RARB: variants seen among roughly 807,000 people sequenced by gnomAD.
RARB encodes HBV-activated protein.
RARB carries 17 observed loss-of-function variants against 51.9 expected under a neutral mutation model. The ratio of observed to expected loss-of-function variants is 0.33; its 90% CI spans 0.22 to 0.49. RARB has a LOEUF of 0.49. RARB is among the 20% of genes least tolerant of loss of function. RARB has a pLI of 0.99. For synonymous variants in RARB, 215 were observed against 195.4 expected (o/e 1.10, Z -0.84); for missense variants, 369 against 550.8 (o/e 0.67, Z 3.30).
intron 3 of RARB, among the ~76,000 whole-genome samples, chr3:25,093,432 C>T (rs1179288272): frequency 2.0e-5 from 3 of 152,088 alleles, no homozygotes; most frequent in South Asian, 2.1e-4. Flanking sequence ...CTTAATTATT[C>T]CTAGGCTTGG....
At chr3:25,165,088 T>G (rs968982890) in intron 4 of RARB, among the ~76,000 whole-genome samples, 1 of 151,432 alleles carries the variant, frequency 6.6e-6, no homozygotes, top group Non-Finnish European at 1.5e-5. Context: ...AATTTGGGAG[T>G]TTTTTTTAAG....
chr3:24,970,125 G>A (rs1043468391), intron 2 of RARB, among the ~76,000 whole-genome samples: 4 of 152,076 alleles, frequency 2.6e-5, no homozygotes, highest in African/African-American at 9.7e-5. Context: ...ACAGACAACA[G>A]ATAACTGAAT....
At chr3:24,936,936 A>G (rs1695559258) in intron 2 of RARB, among the ~76,000 whole-genome samples, 1 of 152,208 alleles carries the variant, frequency 6.6e-6, no homozygotes, top group South Asian at 2.1e-4. Flanking sequence ...CCAAAGGAAA[A>G]GGCCATTCCT....
rs71061205 is a variant in RARB at position 25,232,973 on chromosome 3, C to CTTTTTTTTT, written c.178+58410_178+58418dup. 4.0e-4 allele frequency among the ~76,000 whole-genome samples: 47 copies of CTTTTTTTTT among 118,766 alleles called. 3 individuals are homozygous for CTTTTTTTTT. The highest frequency in any genetic ancestry group is 9.5e-4 in the East Asian group (4 of 4,222). The allele number at this position is 118,766 out of a possible 152,430, so 77.9% of individuals were successfully genotyped here. On this transcript the variant is annotated intron_variant, in intron 5 of 11. Transcript: ENST00000383772. ...TGTATTAAATGCCTTTTTTCTTTTT[C>CTTTTTTTTT]TTTTTTTTTTTTTTTTTTTTGAGAC...
intron 3 of RARB, among the ~76,000 whole-genome samples, chr3:25,532,184 A>G (rs1451713640): frequency 6.6e-6 from 1 of 152,190 alleles, no homozygotes; most frequent in Non-Finnish European, 1.5e-5. Context: ...TTACATCTAG[A>G]AAGTCTACAC....
At position 25,378,200 on chromosome 3, in the gene RARB, G is replaced by T. The variant is rs528787298; in HGVS notation, c.179-82993G>T. Among the ~76,000 whole-genome samples the T allele has an allele frequency of 2.0e-5, 3 of 152,276 alleles. No individual in the cohort carries two copies. The South Asian group carries it at 6.2e-4, about 32-fold the overall frequency. On this transcript the variant is annotated intron_variant, in intron 5 of 11. Transcript: ENST00000383772. ...ACAAGACTCGGGCATGCATGCACGA[G>T]GGTATTTTGCAGATGGTTTACAAAG... is the stretch of plus-strand genomic sequence containing the variant.
At chr3:24,836,631 G>A (rs1702349341) in intron 1 of RARB, among the ~76,000 whole-genome samples, 1 of 152,106 alleles carries the variant, frequency 6.6e-6, no homozygotes, top group South Asian at 2.1e-4. Context: ...TCTGGCCCCT[G>A]TTATCTCTCT....
chr3:25,476,627 C>G (rs558759613), intron 2 of RARB, among the ~76,000 whole-genome samples: 2 of 152,098 alleles, frequency 1.3e-5, no homozygotes, highest in South Asian at 4.1e-4. Context: ...TTTCTGGGAC[C>G]TCCCCAAGCA....
At chr3:25,579,594 A>G (rs1257244108) in intron 4 of RARB, among the ~76,000 whole-genome samples, 1 of 152,170 alleles carries the variant, frequency 6.6e-6, no homozygotes, top group Non-Finnish European at 1.5e-5. Flanking sequence ...TTGTAATCAC[A>G]ATTTATTTAT....
At chr3:25,071,115 A>G (rs1488355000) in intron 3 of RARB, among the ~76,000 whole-genome samples, 1 of 152,212 alleles carries the variant, frequency 6.6e-6, no homozygotes, top group Non-Finnish European at 1.5e-5. Context: ...AACCATTTAA[A>G]AGTAAGCTTC....
chr3:25,176,293 TTTTC>T (rs758062670), intron 5 of RARB, among the ~76,000 whole-genome samples: 6 of 64,216 alleles, frequency 9.3e-5, no homozygotes, highest in East Asian at 6.0e-4. Flanking sequence ...TATATTTATC[TTTTC>T]TTTCTTTCTT....
chr3:24,880,096 A>C (rs1394362900), intron 2 of RARB, among the ~76,000 whole-genome samples: 4 of 152,030 alleles, frequency 2.6e-5, no homozygotes, highest in African/African-American at 9.7e-5. Context: ...CTTTCTTGCC[A>C]GTTCATCAAT....
chr3:25,117,906 A>G (rs934931925), intron 3 of RARB, among the ~76,000 whole-genome samples: 2 of 152,202 alleles, frequency 1.3e-5, no homozygotes, highest in Admixed American at 1.3e-4. Context: ...TAAACAGATG[A>G]AGGAAAGAGA....
chr3:25,273,577 G>A (rs150476938), intron 5 of RARB, among the ~76,000 whole-genome samples: 217 of 152,316 alleles, frequency 1.4e-3, no homozygotes, highest in Non-Finnish European at 2.8e-3. Context: ...TGATAGGATA[G>A]CACCTTTCAA....
chr3:25,452,236 C>T (rs1709225605), intron 1 of RARB, among the ~76,000 whole-genome samples: 2 of 152,288 alleles, frequency 1.3e-5, no homozygotes, highest in South Asian at 2.1e-4. Flanking sequence ...AAATGTCATG[C>T]AAAACAACCT....
intron 3 of RARB, among the ~76,000 whole-genome samples, chr3:25,119,780 T>A (rs1274696206): frequency 6.6e-6 from 1 of 152,174 alleles, no homozygotes. Flanking sequence ...AACATTCAGA[T>A]GGACTTTCTA....
intron 3 of RARB, among the ~76,000 whole-genome samples, chr3:25,514,094 C>T (rs933588820): frequency 2.6e-5 from 4 of 152,120 alleles, no homozygotes; most frequent in African/African-American, 9.7e-5. Flanking sequence ...TCCTGCAGTC[C>T]CTGTGTTCTG....
At chr3:25,386,450 G>GTT (rs1706796801) in intron 5 of RARB, among the ~76,000 whole-genome samples, 7 of 152,192 alleles carry the variant, frequency 4.6e-5, no homozygotes, top group African/African-American at 1.7e-4. Context: ...AAGGAAAAAA[G>GTT]TAGCTTTTTA....
intron 2 of RARB, among the ~76,000 whole-genome samples, chr3:24,954,399 C>G (rs950995214): frequency 3.3e-5 from 5 of 152,174 alleles, no homozygotes; most frequent in Admixed American, 3.3e-4. Context: ...CTGAAAAAAT[C>G]AGACTTAAGC....
Sources: gnomAD v4.1 joint callset for allele counts (sites outside exome capture counted in the v4.1 genomes callset) on GRCh38, gnomAD v4.1.1 for gene constraint, MANE v1.5 for transcripts, NCBI Gene and HGNC (gene_info 2026-07-23, HGNC 2026-07-21) for gene names.